Variants in EYA1 observed in about 807,000 individuals in gnomAD.
EYA1 encodes EYA transcriptional coactivator and phosphatase 1, also known as protein phosphatase EYA1.
A neutral mutation model predicts 82.0 loss-of-function variants in EYA1; 16 were observed. The ratio of observed to expected loss-of-function variants is 0.20; its 90% CI spans 0.13 to 0.30. The LOEUF is 0.30. EYA1 is among the 10% of genes least tolerant of loss of function. The pLI, the probability that EYA1 is intolerant of heterozygous loss-of-function variation, is 1.00. For synonymous variants in EYA1, 261 were observed against 264.4 expected, an observed-to-expected ratio of 0.99 and a Z score of 0.12; for missense variants, 633 against 730.7, an observed-to-expected ratio of 0.87 and a Z score of 1.54.
chr8:71,306,932 T>C (rs1332166622), intron 7 of EYA1, among the ~76,000 whole-genome samples: 1 of 152,204 alleles, frequency 6.6e-6, no homozygotes, highest in Non-Finnish European at 1.5e-5. Context: ...GGATAAACCA[T>C]GTCTGACTCA....
At chr8:71,499,341 T>C (rs1278778079) in intron 2 of EYA1, among the ~76,000 whole-genome samples, 5 of 152,218 alleles carry the variant, frequency 3.3e-5, no homozygotes, top group Non-Finnish European at 7.3e-5. Flanking sequence ...GCTTACTCTA[T>C]GCCAGATATT....
chr8:71,201,238 G>GA lies in EYA1; in HGVS notation c.1699-1819dup, dbSNP rs201243130. Among the ~76,000 whole-genome samples, 288 of 135,494 alleles carry GA rather than the reference G, an allele frequency of 2.1e-3. 1 individual carries two copies. The East Asian group carries it at 0.026, about 12-fold the overall frequency. The allele number at this position is 135,494 out of a possible 152,430, so 88.9% of individuals were successfully genotyped here. The stretch of plus-strand genomic sequence containing the variant: ...ACTATTGTACTAGTTAAAAAAAAAA[G>GA]AAAAAAAAAAACAACCTGAGGCTTA... On this transcript the variant is annotated intron_variant, in intron 17 of 17. Coordinates refer to ENST00000340726, the MANE Select transcript of EYA1 (RefSeq NM_000503.6).
At chr8:71,443,850 A>T (rs1346202453) in intron 2 of EYA1, among the ~76,000 whole-genome samples, 2 of 152,246 alleles carry the variant, frequency 1.3e-5, no homozygotes, top group East Asian at 1.9e-4. Flanking sequence ...TGCAAAACAG[A>T]ATTTTAAATA....
chr8:71,543,456 A>T (rs1194138274), intron 1 of EYA1, among the ~76,000 whole-genome samples: 1 of 152,228 alleles, frequency 6.6e-6, no homozygotes, highest in Non-Finnish European at 1.5e-5. Flanking sequence ...GCCACGACTT[A>T]CATTCCTAAA....
intron 11 of EYA1, among the ~76,000 whole-genome samples, chr8:71,259,367 T>C (rs1346584602): frequency 6.6e-6 from 1 of 152,298 alleles, no homozygotes; most frequent in African/African-American, 2.4e-5. Context: ...TCTCTTGCTG[T>C]CATTTACCAG....
chr8:71,400,908 T>C (rs1400857891), intron 2 of EYA1, among the ~76,000 whole-genome samples: 1 of 152,130 alleles, frequency 6.6e-6, no homozygotes, highest in African/African-American at 2.4e-5. Flanking sequence ...AATGATAGAA[T>C]GGATAAAGGA....
Position 71,452,392 on chromosome 8 carries a change from G to C in EYA1, c.33+83352C>G, listed in dbSNP as rs538866494. ...AGCAGAAACCTCTGCAGACTTAAAT[G>C]TCCCTGTCTAATAGCTTTGAAGAGA... is the stretch of plus-strand genomic sequence containing the variant. On this transcript the variant is annotated intron_variant, in intron 2 of 18. Transcript: ENST00000643681. Among the ~76,000 whole-genome samples the C allele has an allele frequency of 4.3e-3, 656 of 152,316 alleles. 5 individuals carry two copies. Among genetic ancestry groups the C allele is most frequent in the African/African-American group, 0.015 (634 of 41,582 alleles).
chr8:71,392,770 C>G (rs1325060589), intron 2 of EYA1, among the ~76,000 whole-genome samples: 1 of 151,806 alleles, frequency 6.6e-6, no homozygotes, highest in Non-Finnish European at 1.5e-5. Context: ...ACAGACTTAC[C>G]AAAAAAGAGG....
chr8:71,519,240 C>T (rs1012109009), intron 2 of EYA1, among the ~76,000 whole-genome samples: 1 of 152,146 alleles, frequency 6.6e-6, no homozygotes, highest in Non-Finnish European at 1.5e-5. Flanking sequence ...TTAAAGATCT[C>T]ATAGACTTAA....
At position 71,508,897 on chromosome 8, in the gene EYA1, G is replaced by A. The variant is rs544153898; in HGVS notation, c.33+26847C>T. Among the ~76,000 whole-genome samples, 37 of 152,210 alleles carry A rather than the reference G, an allele frequency of 2.4e-4. No homozygotes were observed. In the South Asian group the frequency reaches 5.4e-3, roughly 22 times the overall value. On this transcript the variant is annotated intron_variant, in intron 2 of 18. Coordinates refer to the EYA1 transcript ENST00000643681. Reference sequence around the variant, plus strand: ...GCACTAAATAACAAGGCCAAAATATGTTACTATTCTATATTTTTATCATAA... The same window carrying A: ...GCACTAAATAACAAGGCCAAAATATATTACTATTCTATATTTTTATCATAA...
chr8:71,516,560 A>C (rs1263548140), intron 2 of EYA1, among the ~76,000 whole-genome samples: 1 of 152,202 alleles, frequency 6.6e-6, no homozygotes, highest in African/African-American at 2.4e-5. Flanking sequence ...AGCCAGTAAC[A>C]CATAAATGAT....
intron 12 of EYA1, among the ~76,000 whole-genome samples, chr8:71,240,189 A>G (rs1181012549): frequency 6.6e-6 from 1 of 151,982 alleles, no homozygotes; most frequent in Non-Finnish European, 1.5e-5. Context: ...TTACCTAAAG[A>G]CCATCCACAA....
At chr8:71,496,126 G>T (rs1221102024) in intron 2 of EYA1, among the ~76,000 whole-genome samples, 1 of 152,180 alleles carries the variant, frequency 6.6e-6, no homozygotes. Flanking sequence ...TCCAGTGAAT[G>T]ATTTCTAAGA....
chr8:71,336,298 C>T (rs1241698453), intron 3 of EYA1, among the ~76,000 whole-genome samples: 2 of 152,196 alleles, frequency 1.3e-5, no homozygotes, highest in Non-Finnish European at 2.9e-5. Flanking sequence ...AAAGCGAAGT[C>T]CCTGCTCTCC....
intron 2 of EYA1, among the ~76,000 whole-genome samples, chr8:71,432,605 T>C (rs1463570914): frequency 1.3e-5 from 2 of 152,186 alleles, no homozygotes; most frequent in African/African-American, 2.4e-5. Flanking sequence ...CATGATTGTG[T>C]CCTAATCTTC....
chr8:71,380,844 A>T (rs1828659489), intron 2 of EYA1, among the ~76,000 whole-genome samples: 2 of 152,242 alleles, frequency 1.3e-5, no homozygotes, highest in Non-Finnish European at 2.9e-5. Flanking sequence ...TCTTCTCCAC[A>T]TCCAAATCCA....
chr8:71,449,272 CCCA>C (rs1807159844), intron 2 of EYA1: 1 of 152,706 alleles, frequency 6.5e-6, no homozygotes, highest in African/African-American at 2.4e-5. Flanking sequence ...AAAGTCAGTT[CCCA>C]CAACCAAGAC....
rs935196000 is a variant in EYA1 at position 71,344,584 on chromosome 8, T to C, written c.124+10198A>G. Among the ~76,000 whole-genome samples, 12 of 152,348 alleles carry C rather than the reference T, an allele frequency of 7.9e-5. 1 individual carries two copies. The highest frequency in any genetic ancestry group is 5.2e-4 in the Admixed American group (8 of 15,300). On this transcript the variant is annotated intron_variant, in intron 3 of 17. Coordinates refer to ENST00000340726, the MANE Select transcript of EYA1 (RefSeq NM_000503.6). Reference sequence around the variant, plus strand: ...ATCACACAGTTTCACGTTTCTTTAATTGCCATATCTTTTGTAAATCAGCCA... The same window carrying C: ...ATCACACAGTTTCACGTTTCTTTAACTGCCATATCTTTTGTAAATCAGCCA...
chr8:71,202,346 C>T (rs72622839), intron 17 of EYA1, among the ~76,000 whole-genome samples: 18,801 of 152,064 alleles, frequency 0.12, 2,170 homozygotes, highest in East Asian at 0.57. Flanking sequence ...CTGTGTGTCT[C>T]ATCTGTACAT....
Sources: gnomAD v4.1 joint callset for allele counts (sites outside exome capture counted in the v4.1 genomes callset) on GRCh38, gnomAD v4.1.1 for gene constraint, MANE v1.5 for transcripts, NCBI Gene and HGNC (gene_info 2026-07-23, HGNC 2026-07-21) for gene names.